The following CACNA1D variants were observed in gnomAD, a reference collection of about 807,000 sequenced individuals.
CACNA1D encodes voltage-dependent L-type calcium channel subunit alpha-1D.
A neutral mutation model predicts 257.1 loss-of-function variants in CACNA1D; 55 were observed. That is an observed-to-expected ratio of 0.21 (90% CI 0.17 to 0.27). CACNA1D has a LOEUF of 0.27. Among genes scored for constraint, CACNA1D ranks in the 10% least tolerant of loss-of-function variants. CACNA1D has a pLI of 1.00. For missense variants in CACNA1D, 1,876 were observed against 2,784.0 expected (o/e 0.67, Z 7.34); for synonymous variants, 980 against 1,014.9 (o/e 0.97, Z 0.65).
At position 53,813,393 on chromosome 3, in the gene CACNA1D, G is replaced by A. The variant is rs1297017057; in HGVS notation, c.*1987G>A. On this transcript the variant is annotated 3_prime_UTR_variant, in exon 48 of 48. Coordinates refer to ENST00000350061, the MANE Select transcript of CACNA1D (RefSeq NM_001128840.3). ...GAGAGCCTCCGACAGGGCAGGTACT[G>A]TGCCAGGGCAGCTCTGAAATTATGG... 3.3e-5 allele frequency: 5 copies of A among 152,238 alleles called. No individual in the cohort carries two copies. The highest frequency in any genetic ancestry group is 1.2e-4 in the African/African-American group (5 of 41,450). 9.4% of individuals were successfully genotyped at this position (152,238 alleles called of 1,614,324 possible). A position where few individuals can be genotyped will look rare whatever the true frequency, so the allele number is the denominator to read the frequency against.
intron 19 of CACNA1D, 135 bp from the exon 20 acceptor site, chr3:53,735,239 G>A (rs763335602): frequency 1.3e-5 from 11 of 875,008 alleles, no homozygotes; most frequent in African/African-American, 6.5e-5. Flanking sequence ...CAGGTGTGCC[G>A]GGCAGGGTGC....
Position 53,571,491 on chromosome 3 carries a change from G to A in CACNA1D, c.483+69771G>A, listed in dbSNP as rs139496610. Among the ~76,000 whole-genome samples the A allele has an allele frequency of 3.4e-3, 514 of 152,214 alleles. 3 individuals are homozygous for A. The highest frequency in any genetic ancestry group is 0.01 in the Middle Eastern group (3 of 294). Reference sequence around the variant, plus strand: ...TGTTTACTTGGCAGCCATAGCTGTCGATAGTTGGTTATACGAATGGGGTGT... The same window carrying A: ...TGTTTACTTGGCAGCCATAGCTGTCAATAGTTGGTTATACGAATGGGGTGT... On this transcript the variant is annotated intron_variant, in intron 3 of 47. Coordinates refer to ENST00000350061, the MANE Select transcript of CACNA1D (RefSeq NM_001128840.3).
chr3:53,595,763 TAC>T (rs1245705045), intron 3 of CACNA1D, among the ~76,000 whole-genome samples: 1 of 152,136 alleles, frequency 6.6e-6, no homozygotes, highest in Non-Finnish European at 1.5e-5. Context: ...TGAAAAAAAT[TAC>T]AAAGGTTTTT....
intron 8 of CACNA1D, among the ~76,000 whole-genome samples, chr3:53,699,874 T>G (rs544234051): frequency 1.3e-5 from 2 of 152,150 alleles, no homozygotes; most frequent in African/African-American, 4.8e-5. Context: ...TACTTATGCC[T>G]GCTTACCTGT....
chr3:53,786,815 C>T lies in CACNA1D; in HGVS notation c.4793-7C>T, dbSNP rs769833618. On this transcript the variant is annotated splice_region_variant and splice_polypyrimidine_tract_variant and intron_variant, in intron 39 of 47. Coordinates refer to ENST00000350061, the MANE Select transcript of CACNA1D (RefSeq NM_001128840.3). ...TCGGGAGAGCTCTGTCTGGTCTCTC[C>T]GTTTAGATGATGAGGTAACCGTGGG... is the stretch of plus-strand genomic sequence containing the variant. 2.4e-5 allele frequency: 39 copies of T among 1,604,872 alleles called. No homozygotes were observed. The highest frequency in any genetic ancestry group is 1.1e-4 in the African/African-American group (8 of 74,466).
chr3:53,519,174 C>G (rs2107321483), intron 3 of CACNA1D, among the ~76,000 whole-genome samples: 1 of 152,274 alleles, frequency 6.6e-6, no homozygotes, highest in East Asian at 1.9e-4. Flanking sequence ...ATGCCTGACC[C>G]TTGCTAGGGT....
At chr3:53,681,324 C>T (rs1189258138) in intron 8 of CACNA1D, among the ~76,000 whole-genome samples, 5 of 152,186 alleles carry the variant, frequency 3.3e-5, no homozygotes, top group Admixed American at 2.0e-4. Flanking sequence ...TTCCGGATGA[C>T]ATTGTTCCAC....
intron 3 of CACNA1D, among the ~76,000 whole-genome samples, chr3:53,615,223 C>T (rs1258106995): frequency 9.9e-5 from 15 of 152,188 alleles, no homozygotes. Flanking sequence ...CCAAACCTTC[C>T]TTCCTCAGGG....
chr3:53,648,639 C>T (rs548734159), intron 3 of CACNA1D, among the ~76,000 whole-genome samples: 4 of 151,948 alleles, frequency 2.6e-5, no homozygotes, highest in Admixed American at 6.6e-5. Flanking sequence ...AGGGCATCCT[C>T]GTAGCTCTGA....
rs367667245 is a variant in CACNA1D, at chr3:53,691,030, A to G, written c.1221-11611A>G. Among the ~76,000 whole-genome samples, 4 of 152,314 alleles carry G rather than the reference A, an allele frequency of 2.6e-5. No individual in the cohort carries two copies. In the South Asian group the frequency reaches 8.3e-4, roughly 32 times the overall value. ...ATGAAGTGACTTCTTAAGTAGCAGT[A>G]TTTGAAACCTGTCATGAAGATATGT... On this transcript the variant is annotated intron_variant, in intron 8 of 47. Coordinates refer to ENST00000350061, the MANE Select transcript of CACNA1D (RefSeq NM_001128840.3).
chr3:53,562,011 C>T (rs1279952264), intron 3 of CACNA1D, among the ~76,000 whole-genome samples: 4 of 152,206 alleles, frequency 2.6e-5, no homozygotes, highest in Non-Finnish European at 5.9e-5. Flanking sequence ...TTGTGTGCTG[C>T]TTCGTGCCAG....
chr3:53,660,828 G>A (rs1321526916), intron 5 of CACNA1D, among the ~76,000 whole-genome samples: 1 of 152,190 alleles, frequency 6.6e-6, no homozygotes, highest in African/African-American at 2.4e-5. Context: ...AGGAGTACCT[G>A]CCTTGAAGGC....
chr3:53,565,802 T>C (rs781666694), intron 3 of CACNA1D, among the ~76,000 whole-genome samples: 3 of 152,224 alleles, frequency 2.0e-5, no homozygotes, highest in African/African-American at 4.8e-5. Context: ...ATAGCTGATA[T>C]GTGGTTTGGT....
In CACNA1D at chr3:53,811,451, G is replaced by A. The variant is rs568096310; in HGVS notation, c.*45G>A. 5.0e-4 allele frequency: 743 copies of A among 1,473,840 alleles called. 1 individual carries two copies. The highest frequency in any genetic ancestry group is 6.4e-4 in the Non-Finnish European group (703 of 1,104,512). 91.3% of individuals were successfully genotyped at this position (1,473,840 alleles called of 1,614,324 possible). ...TGGCTCTGGCCTCAGGTGGGGCGCA[G>A]GAGAGCCAGGGGAAAAGTGCCTCAT... On this transcript the variant is annotated 3_prime_UTR_variant, in exon 48 of 48. Coordinates refer to ENST00000350061, the MANE Select transcript of CACNA1D (RefSeq NM_001128840.3). The surrounding 1 kb of genome is among the most constrained non-coding windows in gnomAD (Gnocchi z 4.2).
chr3:53,761,294 C>T (rs1036319604), intron 29 of CACNA1D, among the ~76,000 whole-genome samples: 4 of 152,222 alleles, frequency 2.6e-5, no homozygotes, highest in African/African-American at 4.8e-5. Context: ...TCATTCCATA[C>T]TCTTTTCTAC....
At chr3:53,556,241 T>A (rs2092643540) in intron 3 of CACNA1D, among the ~76,000 whole-genome samples, 1 of 152,232 alleles carries the variant, frequency 6.6e-6, no homozygotes, top group African/African-American at 2.4e-5. Context: ...GCTAGAAACG[T>A]ACAGGTTTTT....
Position 53,803,531 on chromosome 3 carries a change from T to C in CACNA1D, c.5544T>C (p.Ser1848=). ...TGGGGGAGCAGGAGTATTTCAGTAG[T>C]GAGGAATGCTACGAGGATGACAGCT... is the stretch of plus-strand genomic sequence containing the variant. ...HCLGEQEYFS[S]EECYEDDSSP... Residue 1848 remains serine, a synonymous_variant, in exon 44 of 48, where the codon AGT becomes AGC. Transcript: ENST00000350061. 1.2e-6 allele frequency: 2 copies of C among 1,614,072 alleles called. No individual in the cohort carries two copies. Among genetic ancestry groups the C allele is most frequent in the Non-Finnish European group, 1.7e-6 (2 of 1,179,948 alleles).
chr3:53,520,202 TTGAGGGACTGCCA>T (rs1348213796), intron 3 of CACNA1D, among the ~76,000 whole-genome samples: 1 of 152,220 alleles, frequency 6.6e-6, no homozygotes, highest in Non-Finnish European at 1.5e-5. Flanking sequence ...CTTTCCCATT[TTGAGGGACTGCCA>T]AGCTGCTTGC....
intron 3 of CACNA1D, among the ~76,000 whole-genome samples, chr3:53,613,120 A>C (rs1448250601): frequency 1.3e-5 from 2 of 152,252 alleles, no homozygotes; most frequent in African/African-American, 4.8e-5. Context: ...ACCACAGAGT[A>C]TGCTGCTGAG....
Sources: gnomAD v4.1 joint callset for allele counts (sites outside exome capture counted in the v4.1 genomes callset) on GRCh38, gnomAD v4.1.1 for gene constraint, Gnocchi (gnomAD v3.1) non-coding constraint, MANE v1.5 for transcripts, NCBI Gene and HGNC (gene_info 2026-07-23, HGNC 2026-07-21) for gene names.